The following LRRIQ1 variants were observed in gnomAD, a reference collection of about 807,000 sequenced individuals.
LRRIQ1 encodes the protein leucine rich repeats and IQ motif containing 1, also known as leucine-rich repeat- and IQ domain-containing protein 1.
Under a neutral mutation model 211.9 loss-of-function variants are expected in LRRIQ1, and 210 were observed. That is an observed-to-expected ratio of 0.99 (90% CI 0.89 to 1.11). LRRIQ1 has a LOEUF of 1.11. Among genes scored for constraint, LRRIQ1 ranks in the 50% most tolerant of loss-of-function variants. LRRIQ1 has a pLI of 0.00. For missense variants in LRRIQ1, 2,136 were observed against 1,939.5 expected (o/e 1.10, Z -1.90); for synonymous variants, 699 against 650.1 (o/e 1.08, Z -1.14).
At chr12:85,112,752 G>A (rs749398078) in intron 15 of LRRIQ1, among the ~76,000 whole-genome samples, 6 of 151,964 alleles carry the variant, frequency 3.9e-5, no homozygotes, top group Non-Finnish European at 5.9e-5. Flanking sequence ...TTAAAAATGC[G>A]TTAGTTGGAC....
At chr12:85,228,576 GA>G (rs1308459984) in intron 24 of LRRIQ1, among the ~76,000 whole-genome samples, 1 of 152,094 alleles carries the variant, frequency 6.6e-6, no homozygotes, top group East Asian at 1.9e-4. Context: ...TGTTTAAATT[GA>G]AAACTAGAGT....
intron 24 of LRRIQ1, among the ~76,000 whole-genome samples, chr12:85,206,661 G>T (rs898902440): frequency 3.9e-5 from 6 of 151,968 alleles, no homozygotes; most frequent in Non-Finnish European, 7.4e-5. Flanking sequence ...TGGGTGGACT[G>T]TGACTCCAGG....
chr12:85,070,880 A>T (rs1327038304), intron 10 of LRRIQ1, among the ~76,000 whole-genome samples: 2 of 151,980 alleles, frequency 1.3e-5, no homozygotes, highest in African/African-American at 2.4e-5. Flanking sequence ...TTTATAATAT[A>T]GCTTACTAAT....
intron 24 of LRRIQ1, among the ~76,000 whole-genome samples, chr12:85,205,265 G>T (rs1223023404): frequency 1.2e-4 from 19 of 152,122 alleles, no homozygotes. Flanking sequence ...CCATTCGTGG[G>T]TATGTCTTTA....
intron 23 of LRRIQ1, among the ~76,000 whole-genome samples, chr12:85,157,068 A>C (rs1890591875): frequency 6.6e-6 from 1 of 151,878 alleles, no homozygotes; most frequent in Non-Finnish European, 1.5e-5. Context: ...TTATTTATTT[A>C]AGATGAAAAT....
At chr12:85,245,528 T>C (rs1895679024), downstream of LRRIQ1, among the ~76,000 whole-genome samples, 1 of 149,352 alleles carries the variant, frequency 6.7e-6, no homozygotes, top group East Asian at 1.9e-4. Flanking sequence ...ATATTTGTTA[T>C]ATATATGTAG....
intron 24 of LRRIQ1, among the ~76,000 whole-genome samples, chr12:85,216,829 CATAAA>C (rs1894112469): frequency 6.6e-6 from 1 of 151,728 alleles, no homozygotes; most frequent in Non-Finnish European, 1.5e-5. Flanking sequence ...AATTCTGCTA[CATAAA>C]ATAAAAGTCA....
intron 18 of LRRIQ1, among the ~76,000 whole-genome samples, chr12:85,133,526 G>A (rs925613544): frequency 1.3e-5 from 2 of 152,136 alleles, no homozygotes; most frequent in South Asian, 4.1e-4. Flanking sequence ...GGTTGCCTTG[G>A]AGAAAGCTAT....
chr12:85,165,340 C>T (rs1028979007), intron 24 of LRRIQ1, among the ~76,000 whole-genome samples: 1 of 151,906 alleles, frequency 6.6e-6, no homozygotes, highest in Non-Finnish European at 1.5e-5. Flanking sequence ...TCTGTCTTTG[C>T]GTCCATGTGT....
chr12:85,149,980 A>G (rs900243519), intron 19 of LRRIQ1, among the ~76,000 whole-genome samples: 3 of 151,834 alleles, frequency 2.0e-5, no homozygotes, highest in African/African-American at 7.2e-5. Flanking sequence ...AGAGCACTCT[A>G]TCAACATCTC....
At chr12:85,262,944 C>A (rs539610918) in exon 2 of LRRIQ1, 1 of 986,408 alleles carries the variant, frequency 1.0e-6, no homozygotes, top group African/African-American at 1.7e-5. Flanking sequence ...ACCAATATCG[C>A]CAATAATAAC....
chr12:85,195,748 C>T (rs1180841290), intron 24 of LRRIQ1, among the ~76,000 whole-genome samples: 1 of 152,058 alleles, frequency 6.6e-6, no homozygotes, highest in East Asian at 1.9e-4. Context: ...TGGAAGCATT[C>T]CCTTTGAAAA....
At chr12:85,267,099 A>G (rs1896435752), downstream of LRRIQ1, among the ~76,000 whole-genome samples, 1 of 152,112 alleles carries the variant, frequency 6.6e-6, no homozygotes, top group African/African-American at 2.4e-5. Context: ...TAAAATAAAT[A>G]CGTCTGAAAA....
chr12:85,044,900 T>C, intron 4 of LRRIQ1, 91 bp downstream of exon 4: 1 of 516,388 alleles, frequency 1.9e-6, no homozygotes, highest in Non-Finnish European at 3.4e-6. Context: ...GATTTTAAGT[T>C]CACTGATTTA....
intron 3 of LRRIQ1, among the ~76,000 whole-genome samples, chr12:85,043,611 C>A (rs907171546): frequency 5.9e-5 from 9 of 152,020 alleles, no homozygotes; most frequent in Non-Finnish European, 1.3e-4. Context: ...GATATGTATA[C>A]CAGTAGGTGT....
At chr12:85,039,974 A>G (rs550677506) in intron 2 of LRRIQ1, among the ~76,000 whole-genome samples, 2 of 151,738 alleles carry the variant, frequency 1.3e-5, no homozygotes, top group South Asian at 4.1e-4. Flanking sequence ...TATTTAGAAA[A>G]TTTACAAATC....
chr12:85,152,886 A>G (rs1890328103), intron 20 of LRRIQ1, 138 bp from the exon 21 acceptor site: 3 of 444,224 alleles, frequency 6.8e-6, no homozygotes, highest in Non-Finnish European at 1.1e-5. Context: ...TATTACATAA[A>G]TTTCATTTTA....
At chr12:85,045,709 CATT>C (rs1413283277) in intron 4 of LRRIQ1, among the ~76,000 whole-genome samples, 2 of 151,662 alleles carry the variant, frequency 1.3e-5, no homozygotes, top group Non-Finnish European at 2.9e-5. Flanking sequence ...AAAAGGAAAA[CATT>C]AGTAGAAACA....
intron 24 of LRRIQ1, among the ~76,000 whole-genome samples, chr12:85,178,633 A>G (rs1018652644): frequency 2.4e-4 from 37 of 151,946 alleles, no homozygotes; most frequent in Non-Finnish European, 4.1e-4. Flanking sequence ...CATTCTCCCC[A>G]TAATTTATCT....
Sources: allele counts gnomAD v4.1 joint callset (sites outside exome capture counted in the v4.1 genomes callset), GRCh38; gene constraint gnomAD v4.1.1; transcripts MANE v1.5; gene names NCBI Gene and HGNC (gene_info 2026-07-23, HGNC 2026-07-21).